Variants in SCAPER observed in about 807,000 individuals in gnomAD.
The protein encoded by SCAPER is S-phase cyclin A associated protein in the ER, also known as S phase cyclin A-associated protein in the endoplasmic reticulum.
A neutral mutation model predicts 182.2 loss-of-function variants in SCAPER; 98 were observed. The observed-to-expected ratio is 0.54, with a 90% CI of 0.46 to 0.64. SCAPER has a LOEUF of 0.64. Ranked by LOEUF, SCAPER falls within the 30% of genes least tolerant of loss-of-function variation. The pLI, the probability that SCAPER is intolerant of heterozygous loss-of-function variation, is 0.00. For synonymous variants in SCAPER, 605 were observed against 564.6 expected (o/e 1.07, Z -1.01); for missense variants, 1,432 against 1,690.0 (o/e 0.85, Z 2.68).
intron 5 of SCAPER, among the ~76,000 whole-genome samples, chr15:76,814,466 A>G (rs373234748): frequency 3.2e-4 from 49 of 152,292 alleles, no homozygotes; most frequent in African/African-American, 1.1e-3. Flanking sequence ...AAACTCAAGC[A>G]TATGTGGTCA....
intron 26 of SCAPER, among the ~76,000 whole-genome samples, chr15:76,422,434 G>C (rs2046113088): frequency 6.6e-6 from 1 of 152,152 alleles, no homozygotes; most frequent in South Asian, 2.1e-4. Flanking sequence ...TGTTACTGGA[G>C]TATAAGAATG....
chr15:76,900,118 G>T (rs2074690840), intron 1 of SCAPER, among the ~76,000 whole-genome samples: 1 of 152,100 alleles, frequency 6.6e-6, no homozygotes, highest in South Asian at 2.1e-4. Flanking sequence ...GATGTGCTTT[G>T]TTAAACAGAT....
chr15:76,525,112 T>C (rs2043105939), intron 23 of SCAPER, among the ~76,000 whole-genome samples: 2 of 152,128 alleles, frequency 1.3e-5, no homozygotes, highest in Non-Finnish European at 2.9e-5. Context: ...TTTTTCTTTA[T>C]GACATCATTA....
At chr15:76,402,500 C>A (rs1407319187) in intron 27 of SCAPER, among the ~76,000 whole-genome samples, 1 of 152,056 alleles carries the variant, frequency 6.6e-6, no homozygotes, top group Non-Finnish European at 1.5e-5. Flanking sequence ...TGGATTCTGC[C>A]TATGGAAGCC....
chr15:76,651,345 T>C (rs2055018007), intron 21 of SCAPER, among the ~76,000 whole-genome samples: 1 of 152,116 alleles, frequency 6.6e-6, no homozygotes, highest in African/African-American at 2.4e-5. Context: ...AGAAAAATAA[T>C]GCAATTTTCT....
At chr15:76,502,889 G>A (rs1230214109) in intron 24 of SCAPER, among the ~76,000 whole-genome samples, 1 of 152,100 alleles carries the variant, frequency 6.6e-6, no homozygotes. Flanking sequence ...TCTTGCTTAG[G>A]TCTTTATAGG....
chr15:76,446,588 G>T (rs1334770695), intron 25 of SCAPER, among the ~76,000 whole-genome samples: 1 of 152,030 alleles, frequency 6.6e-6, no homozygotes, highest in East Asian at 1.9e-4. Context: ...ATCTCTTCAG[G>T]CAAGCTCAAT....
At chr15:76,662,026 T>C (rs553011285) in intron 21 of SCAPER, among the ~76,000 whole-genome samples, 1 of 152,248 alleles carries the variant, frequency 6.6e-6, no homozygotes, top group Admixed American at 6.5e-5. Context: ...ATCAGGTCCT[T>C]TGCAGGGACA....
At chr15:76,564,072 A>C (rs1367987671) in intron 23 of SCAPER, among the ~76,000 whole-genome samples, 1 of 152,190 alleles carries the variant, frequency 6.6e-6, no homozygotes, top group Non-Finnish European at 1.5e-5. Flanking sequence ...CTGACTGGGC[A>C]AAAGCTGGAA....
intron 24 of SCAPER, among the ~76,000 whole-genome samples, chr15:76,490,074 C>T (rs2052132500): frequency 6.6e-6 from 1 of 152,170 alleles, no homozygotes; most frequent in African/African-American, 2.4e-5. Flanking sequence ...GTTTCCCCCT[C>T]CTCAAAATTG....
chr15:76,519,768 T>C (rs558904772), intron 23 of SCAPER, among the ~76,000 whole-genome samples: 62 of 152,354 alleles, frequency 4.1e-4, no homozygotes, highest in African/African-American at 1.3e-3. Context: ...GCATAAATGT[T>C]AGTGATGATC....
chr15:76,699,969 G>A (rs1019768729), intron 20 of SCAPER, among the ~76,000 whole-genome samples: 1 of 152,224 alleles, frequency 6.6e-6, no homozygotes, highest in Non-Finnish European at 1.5e-5. Context: ...GGGAGAGGCT[G>A]TGGGTAGTTG....
chr15:76,831,567 T>C (rs918230046), intron 5 of SCAPER, among the ~76,000 whole-genome samples: 1 of 138,730 alleles, frequency 7.2e-6, no homozygotes, highest in Non-Finnish European at 1.5e-5. Flanking sequence ...CATTGGTGAG[T>C]ACTCACCTAT....
intron 1 of SCAPER, among the ~76,000 whole-genome samples, chr15:76,896,438 A>G (rs2074437748): frequency 6.6e-6 from 1 of 152,216 alleles, no homozygotes; most frequent in Non-Finnish European, 1.5e-5. Context: ...AAAGACCTAT[A>G]CACTGAAAAC....
intron 26 of SCAPER, among the ~76,000 whole-genome samples, chr15:76,404,907 T>G (rs557532892): frequency 3.9e-5 from 6 of 152,284 alleles, no homozygotes; most frequent in African/African-American, 1.4e-4. Flanking sequence ...ATTTGAATAT[T>G]ATTTTTCAAG....
intron 8 of SCAPER, chr15:76,793,091 C>T (rs1008894228): frequency 1.9e-6 from 1 of 526,626 alleles, no homozygotes; most frequent in Admixed American, 4.1e-5. Context: ...CATTTTATAC[C>T]ATTTTAGCTG....
At chr15:76,760,713 C>T (rs1444253687) in intron 14 of SCAPER, among the ~76,000 whole-genome samples, 1 of 152,140 alleles carries the variant, frequency 6.6e-6, no homozygotes, top group Non-Finnish European at 1.5e-5. Flanking sequence ...GTTTCAGATG[C>T]TCTTATCACT....
chr15:76,434,204 C>T lies in SCAPER; in HGVS notation c.3185G>A (p.Gly1062Asp). 2.5e-6 allele frequency: 4 copies of T among 1,613,894 alleles called. No homozygotes were observed. The highest frequency in any genetic ancestry group is 3.4e-6 in the Non-Finnish European group (4 of 1,179,864). Reference sequence around the variant, plus strand: ...ATCTGGTCGATTGGCAATCAGGCAGCCCAAAACCACAGCACTGACTTTGAG... The same window carrying T: ...ATCTGGTCGATTGGCAATCAGGCAGTCCAAAACCACAGCACTGACTTTGAG... ...GLLKVSAVVL[G>D]CLIANRPDGN... The change falls in exon 26 of 32, where the codon GGC (glycine) becomes GAC (aspartate). Residue 1062 changes from glycine to aspartate, a missense_variant. Physicochemically the swap from Gly to Asp is moderately conservative, Grantham distance 94 (BLOSUM62 -1). This residue lies in a region of SCAPER where 718 missense variants were observed against 799.7 expected (regional missense o/e 0.90). Transcript: ENST00000563290.
At chr15:76,826,150 T>C (rs909909040) in intron 5 of SCAPER, among the ~76,000 whole-genome samples, 8 of 151,926 alleles carry the variant, frequency 5.3e-5, no homozygotes, top group African/African-American at 1.9e-4. Context: ...TCTCAAAGAC[T>C]TGGAACCAAC....
Sources: gnomAD v4.1 joint callset for allele counts (sites outside exome capture counted in the v4.1 genomes callset) on GRCh38, gnomAD v4.1.1 for gene constraint, gnomAD v4.1.1 regional missense constraint, MANE v1.5 for transcripts, NCBI Gene and HGNC (gene_info 2026-07-23, HGNC 2026-07-21) for gene names.